Variants in WNK2 observed in about 807,000 individuals in gnomAD.
WNK2 encodes serine/threonine-protein kinase WNK2.
Under a neutral mutation model 192.1 loss-of-function variants are expected in WNK2, and 67 were observed. The observed-to-expected ratio is 0.35, with a 90% CI of 0.29 to 0.43. The LOEUF is 0.43. Among genes scored for constraint, WNK2 ranks in the 20% least tolerant of loss-of-function variants. WNK2 has a pLI of 1.00. For missense variants in WNK2, 2,698 were observed against 3,089.7 expected (o/e 0.87, Z 3.01); for synonymous variants, 1,439 against 1,393.9 (o/e 1.03, Z -0.72).
In WNK2 at chr9:93,201,925, A is replaced by G. The variant is rs546034569; in HGVS notation, c.681+16315A>G. On this transcript the variant is annotated intron_variant, in intron 2 of 29. Transcript: ENST00000427277. ...GCAGGCCCTTTGTGCCCGCGCTCCC[A>G]CTCACTGCAGGCCAGAGTGGAGCTC... Among the ~76,000 whole-genome samples, 7 of 152,220 alleles carry G rather than the reference A, an allele frequency of 4.6e-5. No individual in the cohort carries two copies. The South Asian group carries it at 6.2e-4, about 14-fold the overall frequency.
chr9:93,206,247 G>A (rs1833359670), intron 2 of WNK2, among the ~76,000 whole-genome samples: 2 of 152,334 alleles, frequency 1.3e-5, no homozygotes, highest in South Asian at 4.1e-4. Context: ...TGGGGCTTGG[G>A]GCTGCCCCTT....
chr9:93,274,054 A>G (rs1011353822), intron 19 of WNK2, among the ~76,000 whole-genome samples: 10 of 152,228 alleles, frequency 6.6e-5, no homozygotes, highest in Admixed American at 3.3e-4. Flanking sequence ...AACCTATAGC[A>G]AAATAAATCC....
chr9:93,289,513 CCCCTGAGAGGGGACCAG>C lies in WNK2; in HGVS notation c.4763_4779del (p.Leu1588ProfsTer16). 6.2e-7 allele frequency: 1 copy of C among 1,604,362 alleles called. No individual in the cohort carries two copies. Among genetic ancestry groups the C allele is most frequent in the Non-Finnish European group, 8.5e-7 (1 of 1,173,854 alleles). On this transcript the variant is annotated frameshift_variant, in exon 20 of 30. Coordinates refer to ENST00000427277, the MANE Select transcript of WNK2 (RefSeq NM_006648.4). LOFTEE classifies it high-confidence loss of function. Reference sequence around the variant, plus strand: ...GGGCGACAGAGACTTCACCCTGGAGCCCCTGAGAGGGGACCAGCCCCGCTCAGAGGTCTGCGGGGGGG... The same window carrying C: ...GGGCGACAGAGACTTCACCCTGGAGCCCCCGCTCAGAGGTCTGCGGGGGGG...
At chr9:93,243,468 C>A (rs906485545) in intron 7 of WNK2, among the ~76,000 whole-genome samples, 1 of 152,218 alleles carries the variant, frequency 6.6e-6, no homozygotes, top group Non-Finnish European at 1.5e-5. Flanking sequence ...CCTTCACCCC[C>A]GCTTCTGCAT....
chr9:93,215,480 G>A (rs1587952142), intron 2 of WNK2, among the ~76,000 whole-genome samples: 1 of 152,100 alleles, frequency 6.6e-6, no homozygotes, highest in African/African-American at 2.4e-5. Flanking sequence ...TTACACATAG[G>A]TTGGACCTTC....
rs374135224 is a variant in WNK2 at position 93,218,666 on chromosome 9, G to A, written c.682-11030G>A. On this transcript the variant is annotated intron_variant, in intron 2 of 29. Transcript: ENST00000427277. ...ATTTCCCCGTCAGGAAGTAACATCA[G>A]TGTTCCCTTGAGAACAGGAAAGGCC... Among the ~76,000 whole-genome samples the A allele has an allele frequency of 2.0e-4, 30 of 152,316 alleles. No homozygotes were observed. The East Asian group carries it at 5.8e-3, about 29-fold the overall frequency.
intron 25 of WNK2, 101 bp from the exon 26 acceptor site, chr9:93,299,950 A>C: frequency 1.1e-6 from 1 of 915,088 alleles, no homozygotes; most frequent in East Asian, 2.6e-5. Flanking sequence ...CGTGGATGTT[A>C]AGTGACGAGG....
At chr9:93,189,773 T>A (rs913666900) in intron 2 of WNK2, among the ~76,000 whole-genome samples, 2 of 152,226 alleles carry the variant, frequency 1.3e-5, no homozygotes, top group African/African-American at 4.8e-5. Flanking sequence ...CTGCATGTCA[T>A]GGGCCACGCA....
intron 29 of WNK2, chr9:93,318,578 G>T (rs1855135646): frequency 6.2e-7 from 1 of 1,610,746 alleles, no homozygotes; most frequent in African/African-American, 1.3e-5. Context: ...TGTGTGTTGG[G>T]CATAGAAACC....
At chr9:93,262,505 C>T (rs1050637482) in intron 13 of WNK2, among the ~76,000 whole-genome samples, 165 bp from the exon 14 acceptor site, 9 of 152,196 alleles carry the variant, frequency 5.9e-5, no homozygotes, top group Non-Finnish European at 1.0e-4. Flanking sequence ...CCCATTGTGA[C>T]GCCCCCTGGG....
chr9:93,317,784 G>A (rs779691839), intron 29 of WNK2, 153 bp downstream of exon 29: 43 of 1,473,596 alleles, frequency 2.9e-5, no homozygotes, highest in Admixed American at 4.5e-5. Flanking sequence ...CCAGGTGCCC[G>A]TGCTGCCAGT....
At chr9:93,262,601 C>A (rs7867954) in intron 13 of WNK2, 69 bp from the exon 14 acceptor site, 6 of 1,548,468 alleles carry the variant, frequency 3.9e-6, no homozygotes, top group East Asian at 2.3e-5. Context: ...GCTGACTATG[C>A]GTGGCTGTGC....
At chr9:93,238,536 G>A (rs983411273) in intron 6 of WNK2, among the ~76,000 whole-genome samples, 3 of 152,220 alleles carry the variant, frequency 2.0e-5, no homozygotes, top group African/African-American at 7.2e-5. Flanking sequence ...GTCCTTGTTG[G>A]CCATCTGGAA....
At chr9:93,231,792 C>T (rs1475212797) in intron 4 of WNK2, among the ~76,000 whole-genome samples, 2 of 152,230 alleles carry the variant, frequency 1.3e-5, no homozygotes, top group Non-Finnish European at 2.9e-5. Flanking sequence ...GATGCCGTCG[C>T]CCCTAGGGGC....
At position 93,211,240 on chromosome 9, in the gene WNK2, A is replaced by C. The variant is rs1563997354; in HGVS notation, c.682-18456A>C. 6.5e-5 allele frequency among the ~76,000 whole-genome samples: 5 copies of C among 76,894 alleles called. 2 individuals are homozygous for C. The highest frequency in any genetic ancestry group is 1.0e-4 in the Non-Finnish European group (4 of 39,936). 50.4% of individuals were successfully genotyped at this position (76,894 alleles called of 152,430 possible). On this transcript the variant is annotated intron_variant, in intron 2 of 29. Coordinates refer to ENST00000427277, the MANE Select transcript of WNK2 (RefSeq NM_006648.4). ...CACTCATCCACTCACTCACTCACTC[A>C]TTCACTCACTCACTCATTCACTCAT...
chr9:93,258,079 G>A (rs190728119), intron 11 of WNK2, among the ~76,000 whole-genome samples: 4 of 152,350 alleles, frequency 2.6e-5, no homozygotes, highest in East Asian at 1.9e-4. Context: ...ACCATAGGAC[G>A]TTAGGCAGCT....
chr9:93,211,509 TC>T (rs1387164273), intron 2 of WNK2, among the ~76,000 whole-genome samples: 5 of 139,220 alleles, frequency 3.6e-5, no homozygotes, highest in Admixed American at 3.5e-4. Context: ...CATTCACTCA[TC>T]CACTCACTCA....
Position 93,292,645 on chromosome 9 carries a change from G to A in WNK2, c.5180G>A (p.Gly1727Glu), listed in dbSNP as rs1849543058. 6.3e-7 allele frequency: 1 copy of A among 1,582,028 alleles called. No homozygotes were observed. The highest frequency in any genetic ancestry group is 8.6e-7 in the Non-Finnish European group (1 of 1,165,038). ...HPQTLGARALGSPRKRPEQQD... is the reference protein window; with the variant it reads ...HPQTLGARALESPRKRPEQQD... ...CAGACACTCGGCGCTCGAGCTTTGGGGTCCCCTCGGAAACGTCCAGAGCAG... is the reference window on the plus strand; with the variant it reads ...CAGACACTCGGCGCTCGAGCTTTGGAGTCCCCTCGGAAACGTCCAGAGCAG... The change falls in exon 23 of 30, where the codon GGG (glycine) becomes GAG (glutamate). Residue 1727 changes from glycine to glutamate, a missense_variant. Gly to Glu is a moderately conservative substitution (Grantham distance 98). Around this residue, in one of 7 missense-constraint regions of WNK2, gnomAD observed 1,098 missense variants for 1,101.0 expected, o/e 1.00. Coordinates refer to ENST00000427277, the MANE Select transcript of WNK2 (RefSeq NM_006648.4).
At chr9:93,204,409 A>T (rs1371054911) in intron 2 of WNK2, among the ~76,000 whole-genome samples, 1 of 152,196 alleles carries the variant, frequency 6.6e-6, no homozygotes, top group African/African-American at 2.4e-5. Context: ...CTGCAGGTAG[A>T]ACTGCCCAGG....
Sources: allele counts gnomAD v4.1 joint callset (sites outside exome capture counted in the v4.1 genomes callset), GRCh38; gene constraint gnomAD v4.1.1; regional missense constraint gnomAD v4.1.1; transcripts MANE v1.5; gene names NCBI Gene and HGNC (gene_info 2026-07-23, HGNC 2026-07-21).